Variants in MTFR1 observed in about 807,000 individuals in gnomAD.
MTFR1 encodes mitochondrial fission regulator 1.
Under a neutral mutation model 38.8 loss-of-function variants are expected in MTFR1, and 28 were observed. The ratio of observed to expected loss-of-function variants is 0.72; its 90% CI spans 0.53 to 0.99. MTFR1 has a LOEUF of 0.99. MTFR1 is among the 50% of genes least tolerant of loss of function. The probability of loss-of-function intolerance (pLI) is 0.00; values close to 1 mark genes in which losing one functional copy is unlikely to be tolerated. For synonymous variants in MTFR1, 145 were observed against 137.0 expected, an observed-to-expected ratio of 1.06 and a Z score of -0.41; for missense variants, 358 against 395.5, an observed-to-expected ratio of 0.91 and a Z score of 0.81.
At chr8:65,720,009 G>C (rs1023160858) in intron 3 of MTFR1, among the ~76,000 whole-genome samples, 2 of 152,104 alleles carry the variant, frequency 1.3e-5, no homozygotes, top group Non-Finnish European at 2.9e-5. Flanking sequence ...ATTTAACTCA[G>C]AATTTATAAA....
rs116420934 is a variant in MTFR1 at position 65,725,340 on chromosome 8, A to G, written c.*48+5859A>G. ...GTGCCTGAGATCTGAAGGCAGAAGG[A>G]AGATTCAAATAGAAAGAATAATGGC... is the stretch of plus-strand genomic sequence containing the variant. On this transcript the variant is annotated intron_variant, in intron 3 of 3. Coordinates refer to the MTFR1 transcript ENST00000521247. 9.3e-3 allele frequency: 1,452 copies of G among 156,350 alleles called. 27 individuals are homozygous for G. Among genetic ancestry groups the G allele is most frequent in the African/African-American group, 0.033 (1,380 of 41,658 alleles). The allele number at this position is 156,350 out of a possible 1,614,324, so 9.7% of individuals were successfully genotyped here.
At chr8:65,734,983 T>A in intron 3 of MTFR1, 4 of 817,490 alleles carry the variant, frequency 4.9e-6, no homozygotes, top group Non-Finnish European at 6.3e-6. Flanking sequence ...TACCCACTCA[T>A]ACTTTTCATG....
intron 3 of MTFR1, among the ~76,000 whole-genome samples, chr8:65,753,523 C>T (rs1413766329): frequency 6.6e-6 from 1 of 152,140 alleles, no homozygotes; most frequent in East Asian, 1.9e-4. Context: ...CCTCACCCAC[C>T]CCTAAGCTTT....
intron 3 of MTFR1, chr8:65,724,318 A>G (rs1404879337): frequency 6.2e-7 from 1 of 1,612,832 alleles, no homozygotes; most frequent in Non-Finnish European, 8.5e-7. Context: ...CACGTCCGAC[A>G]TGGGTTACAA....
intron 1 of MTFR1, among the ~76,000 whole-genome samples, chr8:65,666,782 C>T (rs539603611): frequency 2.0e-5 from 3 of 152,208 alleles, no homozygotes; most frequent in African/African-American, 7.2e-5. Context: ...GCTAAGGGCT[C>T]TTGTTTGGAA....
In MTFR1 at chr8:65,654,581, T is replaced by A. The variant is rs75314681; in HGVS notation, c.-81+9797T>A. Among the ~76,000 whole-genome samples the A allele has an allele frequency of 7.3e-3, 733 of 99,864 alleles. 4 individuals are homozygous for A. Among genetic ancestry groups the A allele is most frequent in the East Asian group, 0.048 (220 of 4,588 alleles). 65.5% of individuals were successfully genotyped at this position (99,864 alleles called of 152,430 possible). The stretch of plus-strand genomic sequence containing the variant: ...TTCTTCCATTAAAGCAATTTTTTTG[T>A]GTGTTGTGTTGTGTTTGAGACAGTT... On this transcript the variant is annotated intron_variant, in intron 1 of 7. Coordinates refer to ENST00000262146, the MANE Select transcript of MTFR1 (RefSeq NM_014637.4).
At chr8:65,774,816 G>A (rs62507644), downstream of MTFR1, among the ~76,000 whole-genome samples, 60 of 151,768 alleles carry the variant, frequency 4.0e-4, no homozygotes, top group African/African-American at 1.0e-3. Flanking sequence ...AATGAGAAAC[G>A]TCCGGCTGTT....
In MTFR1 at chr8:65,749,480, A is replaced by G. The variant is rs188881226; in HGVS notation, c.*49-21467A>G. On this transcript the variant is annotated intron_variant, in intron 3 of 3. Coordinates refer to the MTFR1 transcript ENST00000521247. ...AATCTTAAATTTCTGATCTTTACCA[A>G]TGTAACTTACTTTAAAAAAAGGACT... Among the ~76,000 whole-genome samples, 12 of 152,308 alleles carry G rather than the reference A, an allele frequency of 7.9e-5. No homozygotes were observed. In the East Asian group the frequency reaches 2.1e-3, roughly 27 times the overall value.
chr8:65,766,722 T>C (rs1215214355), intron 3 of MTFR1, among the ~76,000 whole-genome samples: 1 of 152,216 alleles, frequency 6.6e-6, no homozygotes, highest in Non-Finnish European at 1.5e-5. Context: ...CTCATTGTTA[T>C]TAAGTGCCTC....
At chr8:65,727,331 C>G in intron 3 of MTFR1, 3 of 1,611,936 alleles carry the variant, frequency 1.9e-6, no homozygotes, top group African/African-American at 1.3e-5. Context: ...TAATGAATCA[C>G]AGATATATCT....
At chr8:65,691,580 C>T (rs1378415190) in intron 3 of MTFR1, among the ~76,000 whole-genome samples, 1 of 152,234 alleles carries the variant, frequency 6.6e-6, no homozygotes, top group Non-Finnish European at 1.5e-5. Flanking sequence ...GCGTGAGCCA[C>T]CGCACCTGGC....
chr8:65,655,566 T>C (rs1809231877), intron 1 of MTFR1, among the ~76,000 whole-genome samples: 1 of 152,184 alleles, frequency 6.6e-6, no homozygotes, highest in South Asian at 2.1e-4. Context: ...TTTTATAGTA[T>C]GGTAAAGTGT....
intron 1 of MTFR1, among the ~76,000 whole-genome samples, chr8:65,661,169 C>T (rs1809404519): frequency 6.6e-6 from 1 of 152,160 alleles, no homozygotes; most frequent in Admixed American, 6.5e-5. Flanking sequence ...TGCCTTAACC[C>T]ACACAATGTA....
downstream of MTFR1, among the ~76,000 whole-genome samples, chr8:65,713,267 CCT>C (rs1441103973): frequency 1.3e-5 from 2 of 152,050 alleles, no homozygotes; most frequent in Non-Finnish European, 2.9e-5. Flanking sequence ...ATGGTGAAAC[CCT>C]GTCTCTACTA....
At chr8:65,716,591 C>T (rs1020548695) in intron 2 of MTFR1, among the ~76,000 whole-genome samples, 4 of 152,110 alleles carry the variant, frequency 2.6e-5, no homozygotes, top group African/African-American at 9.7e-5. Context: ...TGCTCAGAAT[C>T]CATGCTCACC....
intron 3 of MTFR1, among the ~76,000 whole-genome samples, chr8:65,689,783 C>T (rs190731615): frequency 1.3e-5 from 2 of 152,258 alleles, no homozygotes; most frequent in East Asian, 3.9e-4. Flanking sequence ...TGAATGCTTC[C>T]CTCACCAACA....
At chr8:65,653,660 A>G (rs1809180436) in intron 1 of MTFR1, among the ~76,000 whole-genome samples, 1 of 152,240 alleles carries the variant, frequency 6.6e-6, no homozygotes, top group South Asian at 2.1e-4. Context: ...CAAAGTTTAT[A>G]TATTGCTAAT....
intron 1 of MTFR1, among the ~76,000 whole-genome samples, chr8:65,652,475 C>T (rs1809150062): frequency 6.6e-6 from 1 of 152,076 alleles, no homozygotes; most frequent in Non-Finnish European, 1.5e-5. Flanking sequence ...CTCAAGTGAT[C>T]CTCCTGCTTT....
intron 3 of MTFR1, among the ~76,000 whole-genome samples, chr8:65,691,516 C>G (rs1805276904): frequency 6.6e-6 from 1 of 152,146 alleles, no homozygotes; most frequent in Non-Finnish European, 1.5e-5. Flanking sequence ...GTCTCAAGCT[C>G]CTGGGGCCTC....
Sources: allele counts gnomAD v4.1 joint callset (sites outside exome capture counted in the v4.1 genomes callset), GRCh38; gene constraint gnomAD v4.1.1; transcripts MANE v1.5; gene names NCBI Gene and HGNC (gene_info 2026-07-23, HGNC 2026-07-21).